DST: variants seen among roughly 807,000 people sequenced by gnomAD.
DST encodes bullous pemphigoid antigen.
In DST, 253 loss-of-function variants were observed where a neutral mutation model predicts 875.2. The ratio of observed to expected loss-of-function variants is 0.29; its 90% CI spans 0.26 to 0.32. The LOEUF (loss-of-function observed/expected upper bound fraction) is 0.32, where lower values mean the gene tolerates loss of function less well. Ranked by LOEUF, DST falls within the 10% of genes least tolerant of loss-of-function variation. The probability of loss-of-function intolerance (pLI) is 1.00; values close to 1 mark genes in which losing one functional copy is unlikely to be tolerated. For missense variants in DST, 8,287 were observed against 9,111.6 expected (o/e 0.91, Z 3.68); for synonymous variants, 3,124 against 3,197.1 (o/e 0.98, Z 0.77).
chr6:56,622,569 CAAAAAAAAAAAAAAAA>C lies in DST; in HGVS notation c.4929+1945_4929+1960del, dbSNP rs61514901. ...CAGCCTGGGCAACAGAGATCCGTCT[CAAAAAAAAAAAAAAAA>C]AAAAAAAAAAATCATGTTGTCTCTT... On this transcript the variant is annotated intron_variant, in intron 36 of 103. Coordinates refer to ENST00000680361, the MANE Select transcript of DST (RefSeq NM_001374736.1). 4.6e-5 allele frequency among the ~76,000 whole-genome samples: 3 copies of C among 65,732 alleles called. No individual in the cohort carries two copies. In the South Asian group the frequency reaches 2.1e-3, roughly 45 times the overall value. 43.1% of individuals were successfully genotyped at this position (65,732 alleles called of 152,430 possible).
intron 3 of DST, among the ~76,000 whole-genome samples, chr6:56,870,196 G>A (rs1776354532): frequency 6.6e-6 from 1 of 151,962 alleles, no homozygotes; most frequent in African/African-American, 2.4e-5. Context: ...TAAACACGGG[G>A]CTTGCAACTT....
intron 90 of DST, among the ~76,000 whole-genome samples, chr6:56,481,604 G>A (rs1417392103): frequency 6.6e-6 from 1 of 152,198 alleles, no homozygotes; most frequent in Non-Finnish European, 1.5e-5. Context: ...ATTCAAAGAT[G>A]AGTTATTAAA....
chr6:56,784,696 T>G (rs1360317087), intron 4 of DST, among the ~76,000 whole-genome samples: 1 of 152,222 alleles, frequency 6.6e-6, no homozygotes, highest in Non-Finnish European at 1.5e-5. Flanking sequence ...CGGAGTAGTT[T>G]GATCGTCTGA....
intron 4 of DST, among the ~76,000 whole-genome samples, chr6:56,740,355 A>G (rs1357390514): frequency 1.3e-5 from 2 of 152,120 alleles, no homozygotes; most frequent in Non-Finnish European, 2.9e-5. Context: ...AGGACACCTG[A>G]CAGAAAGGCA....
intron 83 of DST, among the ~76,000 whole-genome samples, chr6:56,493,307 T>C (rs1036160562): frequency 6.6e-6 from 1 of 151,426 alleles, no homozygotes; most frequent in Non-Finnish European, 1.5e-5. Context: ...TCACTGTAAC[T>C]AAAAAAAAAT....
chr6:56,522,111 C>G (rs1016576754), intron 69 of DST, among the ~76,000 whole-genome samples: 1 of 152,124 alleles, frequency 6.6e-6, no homozygotes, highest in Non-Finnish European at 1.5e-5. Flanking sequence ...GTAGCTACAT[C>G]TAAATATGCC....
At chr6:56,617,573 A>G (rs770666831) in intron 36 of DST, among the ~76,000 whole-genome samples, 8 of 152,154 alleles carry the variant, frequency 5.3e-5, no homozygotes, top group Non-Finnish European at 7.4e-5. Context: ...AATAAGTATT[A>G]TATTATTTTC....
rs191616940 is a variant in DST at position 56,462,021 on chromosome 6, T to C, written c.23070+1025A>G. ...TTCTCTGCCTGTCACTTATTATTAA[T>C]GTGAGGATTAAGTAACAGACAAGAA... On this transcript the variant is annotated intron_variant, in intron 102 of 103. Transcript: ENST00000680361. 2.6e-5 allele frequency: 4 copies of C among 152,370 alleles called. No homozygotes were observed. In the East Asian group the frequency reaches 5.8e-4, roughly 22 times the overall value. The allele number at this position is 152,370 out of a possible 1,614,324, so 9.4% of individuals were successfully genotyped here.
intron 55 of DST, among the ~76,000 whole-genome samples, chr6:56,563,434 GT>G (rs878915573): frequency 1.2e-4 from 18 of 151,728 alleles, no homozygotes; most frequent in Admixed American, 2.6e-4. Context: ...TGATGGGGTT[GT>G]TTTTTTTCTT....
intron 61 of DST, among the ~76,000 whole-genome samples, chr6:56,549,376 C>T (rs2097282135): frequency 1.3e-5 from 2 of 152,172 alleles, no homozygotes; most frequent in Non-Finnish European, 2.9e-5. Context: ...TTATAACTAG[C>T]TTTTCACTCA....
rs1299089741 is a variant in DST, at chr6:56,471,073, G to T, written c.22321+33C>A. On this transcript the variant is annotated intron_variant, in intron 95 of 103. Transcript: ENST00000680361. ...AATGTGCTTATTTCCTTTAAAAATT[G>T]TATCAGTCATAGTCATCTGTCTTGG... The T allele has an allele frequency of 1.9e-6, 3 of 1,584,074 alleles. No individual in the cohort carries two copies. In the African/African-American group the frequency reaches 4.1e-5, roughly 21 times the overall value.
rs147823981 is a variant in DST at position 56,480,342 on chromosome 6, A to G, written c.21531+1708T>C. Among the ~76,000 whole-genome samples, 271 of 152,340 alleles carry G rather than the reference A, an allele frequency of 1.8e-3. 1 individual carries two copies. The highest frequency in any genetic ancestry group is 6.1e-3 in the African/African-American group (252 of 41,584). On this transcript the variant is annotated intron_variant, in intron 90 of 103. Coordinates refer to ENST00000680361, the MANE Select transcript of DST (RefSeq NM_001374736.1). ...AACATCTGTGTTTCCCCTGGAGAAC[A>G]GCTGATACAAATAATGTACTTTCAA...
At chr6:56,857,327 G>A (rs1715173677) in intron 3 of DST, among the ~76,000 whole-genome samples, 1 of 152,154 alleles carries the variant, frequency 6.6e-6, no homozygotes, top group Non-Finnish European at 1.5e-5. Context: ...CCATAGCAAG[G>A]TCTTTTGTGG....
chr6:56,459,363 T>C, intron 103 of DST, 96 bp from the exon 104 acceptor site: 1 of 1,347,230 alleles, frequency 7.4e-7, no homozygotes, highest in Admixed American at 2.6e-5. Flanking sequence ...TAACTTTTTT[T>C]CCTGGTGTGT....
chr6:56,620,681 GC>G, intron 36 of DST: 1 of 1,613,968 alleles, frequency 6.2e-7, no homozygotes, highest in Non-Finnish European at 8.5e-7. Context: ...ATCTGAATAT[GC>G]CCCATGTTCA....
chr6:56,729,532 G>T (rs1361535077), intron 5 of DST, among the ~76,000 whole-genome samples: 3 of 151,910 alleles, frequency 2.0e-5, no homozygotes, highest in Non-Finnish European at 4.4e-5. Flanking sequence ...GGAGATTGCG[G>T]GGAGGCAGAG....
intron 90 of DST, among the ~76,000 whole-genome samples, chr6:56,481,536 T>C (rs1366822046): frequency 1.3e-5 from 2 of 152,150 alleles, no homozygotes; most frequent in East Asian, 3.8e-4. Flanking sequence ...AGGTTTCTTC[T>C]AAAAAGGATT....
chr6:56,506,520 T>G lies in DST; in HGVS notation c.19387A>C (p.Asn6463His). 6.2e-7 allele frequency: 1 copy of G among 1,613,086 alleles called. No individual in the cohort carries two copies. The highest frequency in any genetic ancestry group is 8.5e-7 in the Non-Finnish European group (1 of 1,179,472). The change falls in exon 77 of 104, where the codon AAT becomes CAT. Residue 6463 changes from asparagine to histidine, a missense_variant. Physicochemically the swap from Asn to His is moderately conservative, Grantham distance 68 (BLOSUM62 1). This residue lies in a region of DST where 1,292 missense variants were observed against 1,552.7 expected (regional missense o/e 0.83). Coordinates refer to ENST00000680361, the MANE Select transcript of DST (RefSeq NM_001374736.1). ...TCAATCCGGTCTTTCCAAGCTTTAT[T>G]TAGAGAATCCCATGCTGAATTTAAC... Reference protein sequence around the residue: ...DELNSAWDSLNKAWKDRIDKL... With the variant: ...DELNSAWDSLHKAWKDRIDKL...
intron 9 of DST, among the ~76,000 whole-genome samples, chr6:56,686,708 G>A (rs1269690696): frequency 6.6e-6 from 1 of 152,166 alleles, no homozygotes; most frequent in Non-Finnish European, 1.5e-5. Context: ...GCCTGCTCTG[G>A]TTATACAGAA....
Sources: gnomAD v4.1 joint callset for allele counts (sites outside exome capture counted in the v4.1 genomes callset) on GRCh38, gnomAD v4.1.1 for gene constraint, gnomAD v4.1.1 regional missense constraint, MANE v1.5 for transcripts, NCBI Gene and HGNC (gene_info 2026-07-23, HGNC 2026-07-21) for gene names.